Variants in SDK1 observed in about 807,000 individuals in gnomAD.
The protein encoded by SDK1 is sidekick cell adhesion molecule 1.
Under a neutral mutation model 245.5 loss-of-function variants are expected in SDK1, and 157 were observed. The ratio of observed to expected loss-of-function variants is 0.64; its 90% CI spans 0.56 to 0.73. SDK1 has a LOEUF of 0.73. Ranked by LOEUF, SDK1 falls within the 30% of genes least tolerant of loss-of-function variation. The pLI is 0.00. For missense variants in SDK1, 3,583 were observed against 3,002.3 expected (o/e 1.19, Z -4.52); for synonymous variants, 1,647 against 1,278.5 (o/e 1.29, Z -6.15).
chr7:3,569,934 C>G (rs577146109), intron 1 of SDK1, among the ~76,000 whole-genome samples: 21 of 152,336 alleles, frequency 1.4e-4, no homozygotes, highest in African/African-American at 5.1e-4. Context: ...TCCTTTTCCT[C>G]TGTCTCCCAG....
At chr7:3,910,877 T>G (rs958664935) in intron 5 of SDK1, among the ~76,000 whole-genome samples, 1 of 152,216 alleles carries the variant, frequency 6.6e-6, no homozygotes, top group African/African-American at 2.4e-5. Flanking sequence ...TTCTGTTGTA[T>G]CCCATAAATG....
intron 25 of SDK1, among the ~76,000 whole-genome samples, chr7:4,115,724 G>C (rs1783662976): frequency 6.6e-6 from 1 of 152,158 alleles, no homozygotes; most frequent in Admixed American, 6.6e-5. Flanking sequence ...CCCCGGATCT[G>C]CCCTCTCTGC....
At chr7:3,316,587 G>C (rs1319437127) in intron 1 of SDK1, among the ~76,000 whole-genome samples, 2 of 152,200 alleles carry the variant, frequency 1.3e-5, no homozygotes, top group African/African-American at 4.8e-5. Flanking sequence ...ATGCTGTAGT[G>C]TAGTAGGCAA....
intron 4 of SDK1, among the ~76,000 whole-genome samples, chr7:3,805,856 C>T (rs1027121840): frequency 6.6e-6 from 1 of 152,066 alleles, no homozygotes; most frequent in Non-Finnish European, 1.5e-5. Flanking sequence ...AATGGAGAAC[C>T]AAAACACTTC....
intron 4 of SDK1, among the ~76,000 whole-genome samples, chr7:3,723,881 T>C (rs992814073): frequency 4.6e-5 from 6 of 129,902 alleles, no homozygotes; most frequent in African/African-American, 1.7e-4. Flanking sequence ...TACACGTACA[T>C]ATATATATAC....
At chr7:4,155,472 G>T (rs1780670969) in intron 30 of SDK1, among the ~76,000 whole-genome samples, 1 of 152,216 alleles carries the variant, frequency 6.6e-6, no homozygotes, top group African/African-American at 2.4e-5. Context: ...TGGAGAAAGA[G>T]GGGTTTCAAG....
intron 4 of SDK1, among the ~76,000 whole-genome samples, chr7:3,724,944 T>C (rs1326873752): frequency 6.6e-6 from 1 of 152,222 alleles, no homozygotes; most frequent in Non-Finnish European, 1.5e-5. Flanking sequence ...TTTAAATGTG[T>C]ATTTTAGAAA....
chr7:3,974,737 G>C (rs1782774452), intron 13 of SDK1, 192 bp downstream of exon 13: 2 of 535,896 alleles, frequency 3.7e-6, no homozygotes, highest in South Asian at 5.7e-5. Flanking sequence ...CTTCGGAATT[G>C]AGAAGTTTCG....
intron 1 of SDK1, among the ~76,000 whole-genome samples, chr7:3,418,318 G>A (rs1048481833): frequency 1.6e-4 from 24 of 152,084 alleles, no homozygotes; most frequent in African/African-American, 5.8e-4. Context: ...CTCCATCTCA[G>A]AAACAAACAA....
At position 3,691,612 on chromosome 7, in the gene SDK1, T is replaced by C. The variant is rs546505936; in HGVS notation, c.713+49507T>C. Among the ~76,000 whole-genome samples, 12 of 139,568 alleles carry C rather than the reference T, an allele frequency of 8.6e-5. 1 individual carries two copies. In the South Asian group the frequency reaches 2.9e-3, roughly 34 times the overall value. The allele number at this position is 139,568 out of a possible 152,430, so 91.6% of individuals were successfully genotyped here. A position where few individuals can be genotyped will look rare whatever the true frequency, so the allele number is the denominator to read the frequency against. On this transcript the variant is annotated intron_variant, in intron 4 of 44. Transcript: ENST00000404826. ...TGATATTTTAAAAGGAAAAATATGATTATCTACCATGATGCATTGTGAACT... is the reference window on the plus strand; with the variant it reads ...TGATATTTTAAAAGGAAAAATATGACTATCTACCATGATGCATTGTGAACT...
chr7:3,385,518 C>G (rs1056415503), intron 1 of SDK1, among the ~76,000 whole-genome samples: 2 of 151,864 alleles, frequency 1.3e-5, no homozygotes, highest in African/African-American at 4.8e-5. Flanking sequence ...AAAAAAACTC[C>G]AGAATCTTCC....
At chr7:3,779,189 G>C (rs184988551) in intron 4 of SDK1, among the ~76,000 whole-genome samples, 2 of 152,240 alleles carry the variant, frequency 1.3e-5, no homozygotes, top group East Asian at 1.9e-4. Context: ...ATACCATCTG[G>C]TCCAAGAAAT....
intron 5 of SDK1, among the ~76,000 whole-genome samples, chr7:3,894,250 A>G (rs1052702810): frequency 1.3e-5 from 2 of 152,216 alleles, no homozygotes; most frequent in Non-Finnish European, 2.9e-5. Flanking sequence ...TTCTCCCTGT[A>G]ACTTAAGAAC....
chr7:3,398,311 G>T (rs879661501), intron 1 of SDK1, among the ~76,000 whole-genome samples: 1 of 152,142 alleles, frequency 6.6e-6, no homozygotes, highest in Non-Finnish European at 1.5e-5. Flanking sequence ...TTGATGTAGT[G>T]ATAAGGTGTT....
intron 32 of SDK1, among the ~76,000 whole-genome samples, chr7:4,170,259 C>A (rs1012519599): frequency 7.0e-4 from 106 of 152,174 alleles, no homozygotes; most frequent in African/African-American, 2.4e-3. Flanking sequence ...CCAGCCTGGG[C>A]AACATGGTGA....
In SDK1 at chr7:4,065,694, GTTT is replaced by G. The variant is rs749991713; in HGVS notation, c.2912-2111_2912-2109del. Among the ~76,000 whole-genome samples the G allele has an allele frequency of 3.0e-3, 198 of 66,702 alleles. 2 individuals are homozygous for G. Among genetic ancestry groups the G allele is most frequent in the African/African-American group, 4.5e-3 (132 of 29,236 alleles). 43.8% of individuals were successfully genotyped at this position (66,702 alleles called of 152,430 possible). ...AGTTTCACCCAGATGAGTGGTTGTT[GTTT>G]TTTTTTTTTTTTTTTTTTTTTTTTT... On this transcript the variant is annotated intron_variant, in intron 19 of 44. Transcript: ENST00000404826.
In SDK1 at chr7:3,311,249, T is replaced by C. The variant is rs142748374; in HGVS notation, c.298+9365T>C. Among the ~76,000 whole-genome samples, 200 of 152,140 alleles carry C rather than the reference T, an allele frequency of 1.3e-3. 2 individuals are homozygous for C. Among genetic ancestry groups the C allele is most frequent in the African/African-American group, 4.6e-3 (189 of 41,488 alleles). On this transcript the variant is annotated intron_variant, in intron 1 of 44. Coordinates refer to ENST00000404826, the MANE Select transcript of SDK1 (RefSeq NM_152744.4). The stretch of plus-strand genomic sequence containing the variant: ...TGGTTATGATAATATAGAAATAATA[T>C]TTGAACTGCAGTAGTATTGGGATGG...
At chr7:3,337,688 G>A (rs1172901058) in intron 1 of SDK1, among the ~76,000 whole-genome samples, 5 of 152,216 alleles carry the variant, frequency 3.3e-5, no homozygotes, top group Non-Finnish European at 7.3e-5. Context: ...CAGTCCAAAT[G>A]AGAGGAGCCT....
At chr7:3,508,310 T>C (rs1055887424) in intron 1 of SDK1, among the ~76,000 whole-genome samples, 1 of 132,084 alleles carries the variant, frequency 7.6e-6, no homozygotes, top group African/African-American at 2.9e-5. Context: ...ACATCATCAT[T>C]CTTCTTCTTC....
Sources: allele counts gnomAD v4.1 joint callset (sites outside exome capture counted in the v4.1 genomes callset), GRCh38; gene constraint gnomAD v4.1.1; transcripts MANE v1.5; gene names NCBI Gene and HGNC (gene_info 2026-07-23, HGNC 2026-07-21).